ZNG1F: variants seen among roughly 807,000 people sequenced by gnomAD.
The protein encoded by ZNG1F is Zn regulated GTPase metalloprotein activator 1F.
chr9:41,150,327 C>A, the ZNG1F span, among the ~76,000 whole-genome samples: 2 of 150,676 alleles, frequency 1.3e-5, no homozygotes, highest in African/African-American at 4.9e-5. Context: ...GTCCCACGCC[C>A]ACGGAGTCTC....
the ZNG1F span, chr9:41,157,430 C>G: frequency 7.2e-6 from 1 of 139,278 alleles, no homozygotes. Context: ...CACCACTGCA[C>G]TCCAGCCTGG....
the ZNG1F span, among the ~76,000 whole-genome samples, chr9:41,139,119 G>A: frequency 9.1e-6 from 1 of 109,898 alleles, no homozygotes; most frequent in Non-Finnish European, 1.9e-5. Context: ...TCAGAGAGAA[G>A]GTCTAGGGCT....
the ZNG1F span, among the ~76,000 whole-genome samples, chr9:41,183,253 T>C: frequency 2.8e-5 from 4 of 144,298 alleles, no homozygotes; most frequent in Admixed American, 7.1e-5. Context: ...CTTAGAAGTA[T>C]GACCAATGAC....
chr9:41,183,695 C>T, the ZNG1F span: 2 of 1,606,452 alleles, frequency 1.2e-6, no homozygotes, highest in Admixed American at 3.4e-5. Flanking sequence ...TAAACAAACT[C>T]TTTAGCTTAT....
the ZNG1F span, among the ~76,000 whole-genome samples, chr9:41,184,071 A>G: frequency 2.0e-5 from 3 of 151,028 alleles, no homozygotes; most frequent in African/African-American, 4.9e-5. Context: ...TTTTCTTTTC[A>G]TTCTTCTTCT....
the ZNG1F span, chr9:41,132,518 A>T: frequency 7.2e-7 from 1 of 1,390,588 alleles, no homozygotes; most frequent in Non-Finnish European, 9.4e-7. Flanking sequence ...GTGAATTACA[A>T]GAAGTTTCTT....
At chr9:41,183,109 G>C in the ZNG1F span, among the ~76,000 whole-genome samples, 1 of 117,336 alleles carries the variant, frequency 8.5e-6, no homozygotes, top group Admixed American at 9.4e-5. Flanking sequence ...ATATTTGAGT[G>C]CTACTATGTG....
At chr9:41,137,196 G>A in the ZNG1F span, among the ~76,000 whole-genome samples, 1 of 148,218 alleles carries the variant, frequency 6.7e-6, no homozygotes, top group African/African-American at 2.5e-5. Flanking sequence ...CATTCAGTTT[G>A]AGGAATTTTT....
the ZNG1F span, among the ~76,000 whole-genome samples, chr9:41,154,537 G>A: frequency 3.6e-5 from 5 of 137,536 alleles, no homozygotes; most frequent in South Asian, 4.8e-4. Flanking sequence ...AAAAGAGCCC[G>A]CATCGCCAAG....
At chr9:41,187,704 G>A in the ZNG1F span, among the ~76,000 whole-genome samples, 1 of 135,274 alleles carries the variant, frequency 7.4e-6, no homozygotes, top group African/African-American at 2.7e-5. Context: ...GATTTGGGGG[G>A]ATGGTAACAG....
the ZNG1F span, chr9:41,132,092 A>G: frequency 6.5e-7 from 1 of 1,549,270 alleles, no homozygotes; most frequent in Non-Finnish European, 8.7e-7. Context: ...TAACGTGACA[A>G]AGATGAAACA....
chr9:41,137,108 G>T, the ZNG1F span, among the ~76,000 whole-genome samples: 1 of 122,140 alleles, frequency 8.2e-6, no homozygotes, highest in African/African-American at 3.1e-5. Flanking sequence ...TTTTGATGTA[G>T]GCATTTAGGG....
the ZNG1F span, among the ~76,000 whole-genome samples, chr9:41,204,924 G>A: frequency 3.3e-4 from 49 of 150,378 alleles, no homozygotes; most frequent in African/African-American, 1.1e-3. Context: ...AGTTTTGGTT[G>A]CATAATACCA....
At chr9:41,150,361 G>A in the ZNG1F span, among the ~76,000 whole-genome samples, 1 of 149,450 alleles carries the variant, frequency 6.7e-6, no homozygotes, top group Non-Finnish European at 1.5e-5. Flanking sequence ...ACAGCAGTCT[G>A]AGATCAAACT....
At chr9:41,200,981 C>CAAAAAAAAAA in the ZNG1F span, among the ~76,000 whole-genome samples, 1 of 139,012 alleles carries the variant, frequency 7.2e-6, no homozygotes, top group African/African-American at 2.5e-5. Flanking sequence ...ATCACCCCCC[C>CAAAAAAAAAA]AAAAAAAAAT....
the ZNG1F span, among the ~76,000 whole-genome samples, chr9:41,154,349 A>T: frequency 7.5e-6 from 1 of 133,842 alleles, no homozygotes; most frequent in Non-Finnish European, 1.6e-5. Context: ...TCAAGGAAAT[A>T]AAAGAGGATA....
At chr9:41,158,835 C>T in the ZNG1F span, 2 of 107,846 alleles carry the variant, frequency 1.9e-5, no homozygotes, top group South Asian at 6.9e-4. Context: ...GGAGATAAAA[C>T]CATGAGATCT....
the ZNG1F span, among the ~76,000 whole-genome samples, chr9:41,155,994 A>AT: frequency 5.0e-5 from 6 of 120,004 alleles, no homozygotes; most frequent in Admixed American, 3.8e-4. Flanking sequence ...AAATAAATAA[A>AT]TTTAAAAAAA....
chr9:41,201,193 A>T, the ZNG1F span, among the ~76,000 whole-genome samples: 1 of 147,116 alleles, frequency 6.8e-6, no homozygotes, highest in African/African-American at 2.5e-5. Flanking sequence ...CATTTCAGTA[A>T]AAATTAACAA....
Sources: gnomAD v4.1 joint callset for allele counts (sites outside exome capture counted in the v4.1 genomes callset) on GRCh38, gnomAD v4.1.1 for gene constraint, MANE v1.5 for transcripts, NCBI Gene and HGNC (gene_info 2026-07-23, HGNC 2026-07-21) for gene names.